The following CDH18 variants were observed in gnomAD, a reference collection of about 807,000 sequenced individuals.
CDH18 encodes the protein cadherin-18.
In CDH18, 31 loss-of-function variants were observed where a neutral mutation model predicts 67.9. The observed-to-expected ratio is 0.46, with a 90% CI of 0.34 to 0.62. The LOEUF is 0.62. CDH18 is among the 20% of genes least tolerant of loss of function. CDH18 has a pLI of 0.01. For missense variants in CDH18, 890 were observed against 975.5 expected (o/e 0.91, Z 1.17); for synonymous variants, 362 against 347.2 (o/e 1.04, Z -0.48).
chr5:19,531,210 A>T (rs1029100925), intron 9 of CDH18, among the ~76,000 whole-genome samples: 2 of 152,242 alleles, frequency 1.3e-5, no homozygotes, highest in Admixed American at 1.3e-4. Context: ...ATATTCAAAA[A>T]AATGAACATC....
chr5:20,247,829 A>G (rs1743502811), intron 2 of CDH18, among the ~76,000 whole-genome samples: 1 of 151,906 alleles, frequency 6.6e-6, no homozygotes, highest in Non-Finnish European at 1.5e-5. Context: ...ACATTTTGCC[A>G]CTCTGATTTG....
At chr5:20,405,316 G>A (rs1746144251) in intron 1 of CDH18, among the ~76,000 whole-genome samples, 1 of 152,122 alleles carries the variant, frequency 6.6e-6, no homozygotes, top group Admixed American at 6.6e-5. Context: ...TGACAAACCT[G>A]ACAAAAACAA....
intron 1 of CDH18, among the ~76,000 whole-genome samples, chr5:20,330,223 T>G (rs1739035597): frequency 1.3e-5 from 2 of 152,176 alleles, no homozygotes; most frequent in African/African-American, 4.8e-5. Flanking sequence ...AATTGCTGTC[T>G]TAGGTAATTC....
chr5:19,591,910 C>CT (rs1745203706), intron 6 of CDH18, among the ~76,000 whole-genome samples: 2 of 151,880 alleles, frequency 1.3e-5, no homozygotes, highest in Non-Finnish European at 2.9e-5. Flanking sequence ...AAGTAAATAG[C>CT]TATAGAAAAT....
At position 20,477,816 on chromosome 5, in the gene CDH18, C is replaced by A. The variant is rs79750860; in HGVS notation, c.-580+97646G>T. ...CGCCAGCTGGGGCACCAGTCTCAGG[C>A]AGCACAGCTCACAGCTCAGGAGAGA... On this transcript the variant is annotated intron_variant, in intron 1 of 14. Transcript: ENST00000507958. Among the ~76,000 whole-genome samples the A allele has an allele frequency of 9.7e-3, 1,478 of 152,282 alleles. 21 individuals are homozygous for A. Among genetic ancestry groups the A allele is most frequent in the African/African-American group, 0.032 (1,339 of 41,564 alleles).
intron 2 of CDH18, among the ~76,000 whole-genome samples, chr5:20,087,391 G>C (rs1295749733): frequency 6.6e-6 from 1 of 152,060 alleles, no homozygotes; most frequent in Non-Finnish European, 1.5e-5. Flanking sequence ...GGCAAGGCTT[G>C]AGATAATTGA....
At chr5:19,867,030 A>G (rs1238745910) in intron 2 of CDH18, among the ~76,000 whole-genome samples, 1 of 152,160 alleles carries the variant, frequency 6.6e-6, no homozygotes, top group South Asian at 2.1e-4. Flanking sequence ...TGGAGGTTGC[A>G]GTGAGCTGAG....
intron 11 of CDH18, among the ~76,000 whole-genome samples, chr5:19,490,339 T>C (rs1195868424): frequency 6.7e-6 from 1 of 148,362 alleles, no homozygotes; most frequent in Non-Finnish European, 1.5e-5. Context: ...GCAAGTGACA[T>C]GCAATGATAA....
chr5:19,883,381 A>G (rs532727212), intron 2 of CDH18, among the ~76,000 whole-genome samples: 1 of 152,068 alleles, frequency 6.6e-6, no homozygotes, highest in Admixed American at 6.6e-5. Flanking sequence ...ATACACTGAA[A>G]CCTACTCTTG....
At chr5:20,259,356 T>C (rs1392395926) in intron 1 of CDH18, among the ~76,000 whole-genome samples, 1 of 152,138 alleles carries the variant, frequency 6.6e-6, no homozygotes, top group East Asian at 1.9e-4. Flanking sequence ...ATTGGATATA[T>C]AGCTGATCTT....
chr5:19,944,868 C>T (rs1043237529), intron 2 of CDH18, among the ~76,000 whole-genome samples: 3 of 152,040 alleles, frequency 2.0e-5, no homozygotes, highest in African/African-American at 7.2e-5. Context: ...ATTCAAGAAA[C>T]GGGATTGCAG....
intron 3 of CDH18, among the ~76,000 whole-genome samples, chr5:19,798,887 A>T (rs1173450073): frequency 6.6e-6 from 1 of 152,108 alleles, no homozygotes; most frequent in Non-Finnish European, 1.5e-5. Context: ...TATATGGCAT[A>T]TGTAAACACA....
intron 2 of CDH18, among the ~76,000 whole-genome samples, chr5:20,106,722 C>T (rs112792048): frequency 0.024 from 3,587 of 152,116 alleles, 142 homozygotes; most frequent in African/African-American, 0.079. Context: ...AAAGCTTCAC[C>T]GCCATCTCTG....
At chr5:19,767,917 T>C (rs932842093) in intron 3 of CDH18, among the ~76,000 whole-genome samples, 1 of 152,112 alleles carries the variant, frequency 6.6e-6, no homozygotes, top group African/African-American at 2.4e-5. Flanking sequence ...AAAATGTATA[T>C]AAGAAAAATG....
intron 12 of CDH18, among the ~76,000 whole-genome samples, chr5:19,482,834 T>A (rs976354280): frequency 3.9e-5 from 6 of 152,260 alleles, no homozygotes; most frequent in African/African-American, 1.2e-4. Context: ...GTCCTTTTGT[T>A]GTATATTTGA....
chr5:20,202,789 T>C (rs1739555467), intron 2 of CDH18, among the ~76,000 whole-genome samples: 1 of 152,130 alleles, frequency 6.6e-6, no homozygotes, highest in Non-Finnish European at 1.5e-5. Flanking sequence ...TTTTGTCTGA[T>C]CTATTTGATT....
chr5:19,978,807 T>G (rs1165592682), intron 2 of CDH18, among the ~76,000 whole-genome samples: 1 of 150,198 alleles, frequency 6.7e-6, no homozygotes, highest in Non-Finnish European at 1.5e-5. Context: ...TAAAGAGCCT[T>G]GGGATTACAT....
intron 2 of CDH18, among the ~76,000 whole-genome samples, chr5:20,172,190 G>GTATATATATATATATATA (rs70954640): frequency 5.6e-4 from 13 of 23,326 alleles, no homozygotes; most frequent in Admixed American, 8.2e-4. Context: ...AGCATTGTGT[G>GTATATATATATATATATA]TATATATATA....
chr5:20,295,731 A>G (rs1747442501), intron 1 of CDH18, among the ~76,000 whole-genome samples: 1 of 152,080 alleles, frequency 6.6e-6, no homozygotes, highest in South Asian at 2.1e-4. Context: ...TGTCTCAAAA[A>G]AAAAAAAATT....
Sources: gnomAD v4.1 joint callset for allele counts (sites outside exome capture counted in the v4.1 genomes callset) on GRCh38, gnomAD v4.1.1 for gene constraint, MANE v1.5 for transcripts, NCBI Gene and HGNC (gene_info 2026-07-23, HGNC 2026-07-21) for gene names.